The following RGS3 variants were observed in gnomAD, a reference collection of about 807,000 sequenced individuals.
RGS3 encodes regulator of G-protein signalling 3.
RGS3 carries 80 observed loss-of-function variants against 132.6 expected under a neutral mutation model. The ratio of observed to expected loss-of-function variants is 0.60; its 90% CI spans 0.50 to 0.73. The LOEUF (loss-of-function observed/expected upper bound fraction) is 0.73, where lower values mean the gene tolerates loss of function less well. RGS3 is among the 30% of genes least tolerant of loss of function. The probability of loss-of-function intolerance (pLI) is 0.00; values close to 1 mark genes in which losing one functional copy is unlikely to be tolerated. For missense variants in RGS3, 1,382 were observed against 1,530.8 expected (o/e 0.90, Z 1.62); for synonymous variants, 598 against 620.6 (o/e 0.96, Z 0.54).
chr9:113,450,849 A>T (rs550349613), intron 1 of RGS3, among the ~76,000 whole-genome samples: 1 of 152,202 alleles, frequency 6.6e-6, no homozygotes, highest in East Asian at 1.9e-4. Flanking sequence ...GTGACTGCGG[A>T]GTGAATGAAG....
chr9:113,509,660 C>T (rs545069461), intron 14 of RGS3, among the ~76,000 whole-genome samples: 29 of 152,184 alleles, frequency 1.9e-4, no homozygotes, highest in East Asian at 5.8e-4. Flanking sequence ...GTGTCTGGAC[C>T]GCCTTCCTTG....
chr9:113,534,643 G>A (rs1390016513), intron 18 of RGS3, among the ~76,000 whole-genome samples: 1 of 139,742 alleles, frequency 7.2e-6, no homozygotes, highest in Non-Finnish European at 1.5e-5. Context: ...GACAAGGTCT[G>A]CCCTGTCGCC....
chr9:113,573,897 G>A (rs1308656949), intron 19 of RGS3, among the ~76,000 whole-genome samples: 1 of 152,226 alleles, frequency 6.6e-6, no homozygotes, highest in East Asian at 1.9e-4. Context: ...CAGGAAAGGA[G>A]ATCACAGAGG....
chr9:113,484,231 T>C, exon 6 of RGS3: 1 of 1,596,794 alleles, frequency 6.3e-7, no homozygotes. Context: ...GCACTTCTTC[T>C]TGTAAGAGTC....
chr9:113,520,703 T>C (rs1268674719), intron 16 of RGS3, among the ~76,000 whole-genome samples: 1 of 152,146 alleles, frequency 6.6e-6, no homozygotes, highest in African/African-American at 2.4e-5. Context: ...TTTGTGTTTC[T>C]GGCTAGTTTA....
intron 19 of RGS3, among the ~76,000 whole-genome samples, chr9:113,542,892 C>A (rs1832962647): frequency 6.6e-6 from 1 of 152,206 alleles, no homozygotes; most frequent in African/African-American, 2.4e-5. Flanking sequence ...TTCCGAGGGC[C>A]AGGGACTGGG....
chr9:113,514,241 G>A (rs1404447881), intron 14 of RGS3, among the ~76,000 whole-genome samples: 1 of 152,194 alleles, frequency 6.6e-6, no homozygotes, highest in East Asian at 1.9e-4. Flanking sequence ...GCTTGCTCAC[G>A]TGTCAACGTC....
chr9:113,526,356 T>C (rs1236241730), intron 17 of RGS3, among the ~76,000 whole-genome samples: 10 of 152,056 alleles, frequency 6.6e-5, no homozygotes, highest in African/African-American at 2.4e-4. Flanking sequence ...AGTGCTGGGG[T>C]GGTAGCAGTG....
intron 21 of RGS3, chr9:113,594,085 C>T (rs1835600272): frequency 1.2e-6 from 2 of 1,613,096 alleles, no homozygotes; most frequent in Non-Finnish European, 1.7e-6. Flanking sequence ...CATTTCCTGG[C>T]TCCTCCTGTC....
chr9:113,516,546 A>G (rs1330159257), intron 15 of RGS3, among the ~76,000 whole-genome samples: 1 of 150,306 alleles, frequency 6.7e-6, no homozygotes, highest in Non-Finnish European at 1.5e-5. Flanking sequence ...TTTAGTAGAG[A>G]CGGGGTTTTA....
chr9:113,574,081 C>T (rs1394013483), intron 19 of RGS3, among the ~76,000 whole-genome samples: 1 of 152,228 alleles, frequency 6.6e-6, no homozygotes, highest in Non-Finnish European at 1.5e-5. Context: ...AAGTATAAAA[C>T]AACTGTCACA....
In RGS3 at chr9:113,537,068, G is replaced by A. The variant is rs1293189336; in HGVS notation, c.2037+150G>A. 1.6e-5 allele frequency: 11 copies of A among 695,404 alleles called. No individual in the cohort carries two copies. The South Asian group carries it at 1.7e-4, about 11-fold the overall frequency. 43.1% of individuals were successfully genotyped at this position (695,404 alleles called of 1,614,324 possible). On this transcript the variant is annotated intron_variant, in intron 19 of 24. Transcript: ENST00000350696. The surrounding 1 kb of genome is among the most constrained non-coding windows in gnomAD (Gnocchi z 4.3). ...TCTTGGCAAGCGGGGACCTGTGCCC[G>A]AATGTCTCTCCCCCTTGGCATGTCA...
chr9:113,469,102 G>C (rs966614894), intron 3 of RGS3, among the ~76,000 whole-genome samples: 2 of 150,476 alleles, frequency 1.3e-5, no homozygotes. Flanking sequence ...GTTAGCTGGG[G>C]CCTGTTTCAC....
intron 19 of RGS3, among the ~76,000 whole-genome samples, chr9:113,573,790 C>T (rs760550963): frequency 3.3e-5 from 5 of 152,150 alleles, no homozygotes; most frequent in African/African-American, 9.7e-5. Flanking sequence ...GGGGCCCCTG[C>T]GTCTGGTATT....
exon 25 of RGS3, chr9:113,597,003 T>A: frequency 6.8e-7 from 1 of 1,475,852 alleles, no homozygotes; most frequent in Non-Finnish European, 9.2e-7. Flanking sequence ...CTGGGTCCCC[T>A]GCCCACCTGC....
At chr9:113,554,784 T>C (rs1833499266) in intron 19 of RGS3, among the ~76,000 whole-genome samples, 1 of 152,228 alleles carries the variant, frequency 6.6e-6, no homozygotes, top group Non-Finnish European at 1.5e-5. Context: ...GTCATTTGCC[T>C]TCTAACTTTA....
chr9:113,452,881 T>C (rs1313911724), intron 1 of RGS3, among the ~76,000 whole-genome samples: 1 of 142,398 alleles, frequency 7.0e-6, no homozygotes, highest in African/African-American at 2.6e-5. Context: ...AGTTGTTCAA[T>C]TGGGTCTTTT....
At chr9:113,451,892 A>C (rs1355816285) in intron 1 of RGS3, among the ~76,000 whole-genome samples, 1 of 152,138 alleles carries the variant, frequency 6.6e-6, no homozygotes, top group Admixed American at 6.5e-5. Context: ...TTTGCAGATG[A>C]TGAATTCAGT....
At chr9:113,583,636 T>C (rs761293534) in exon 20 of RGS3, 1 of 1,613,898 alleles carries the variant, frequency 6.2e-7, no homozygotes, top group East Asian at 2.2e-5. Context: ...AGAACCACTG[T>C]CCAGCAAAGA....
Sources: gnomAD v4.1 joint callset for allele counts (sites outside exome capture counted in the v4.1 genomes callset) on GRCh38, gnomAD v4.1.1 for gene constraint, Gnocchi (gnomAD v3.1) non-coding constraint, MANE v1.5 for transcripts, NCBI Gene and HGNC (gene_info 2026-07-23, HGNC 2026-07-21) for gene names.